CATSPER3: variants seen among roughly 807,000 people sequenced by gnomAD.
CATSPER3 encodes the protein cation channel sperm associated 3.
In CATSPER3, 23 loss-of-function variants were observed where a neutral mutation model predicts 36.6. The observed-to-expected ratio is 0.63, with a 90% CI of 0.45 to 0.89. The LOEUF (loss-of-function observed/expected upper bound fraction) is 0.89. Ranked by LOEUF, CATSPER3 falls within the 40% of genes least tolerant of loss-of-function variation. The probability of loss-of-function intolerance (pLI) is 0.00; values close to 1 mark genes in which losing one functional copy is unlikely to be tolerated. For synonymous variants in CATSPER3, 172 were observed against 184.1 expected (o/e 0.93, Z 0.53); for missense variants, 474 against 503.9 (o/e 0.94, Z 0.57).
chr5:135,003,599 A>G (rs1368713470), intron 3 of CATSPER3, among the ~76,000 whole-genome samples: 1 of 152,148 alleles, frequency 6.6e-6, no homozygotes, highest in Admixed American at 6.5e-5. Context: ...TGTGGGCTCC[A>G]CTCAGTTTGA....
At chr5:134,972,095 T>G (rs896944022) in intron 2 of CATSPER3, among the ~76,000 whole-genome samples, 2 of 152,186 alleles carry the variant, frequency 1.3e-5, no homozygotes, top group Non-Finnish European at 2.9e-5. Context: ...AATAATCCCC[T>G]TATACAGGCT....
chr5:134,968,297 A>G, intron 1 of CATSPER3: 1 of 562,486 alleles, frequency 1.8e-6, no homozygotes, highest in Non-Finnish European at 3.2e-6. Flanking sequence ...GACCAGTTTG[A>G]CCAGTTTGAC....
At chr5:134,999,977 G>A (rs1018062827) in intron 3 of CATSPER3, among the ~76,000 whole-genome samples, 1 of 152,174 alleles carries the variant, frequency 6.6e-6, no homozygotes, top group East Asian at 1.9e-4. Context: ...GGGCATCCCT[G>A]TCTTGTGCCA....
chr5:135,010,628 G>A, intron 7 of CATSPER3, 98 bp downstream of exon 7: 1 of 1,058,584 alleles, frequency 9.4e-7, no homozygotes, highest in Non-Finnish European at 1.5e-6. Flanking sequence ...TGACTGAAGT[G>A]CTGATGGGCA....
chr5:134,996,083 T>C lies in CATSPER3; in HGVS notation c.253-190T>C, dbSNP rs113892581. Among the ~76,000 whole-genome samples, 1,124 of 152,062 alleles carry C rather than the reference T, an allele frequency of 7.4e-3. 22 individuals are homozygous for C. The highest frequency in any genetic ancestry group is 0.026 in the African/African-American group (1,072 of 41,460). The stretch of plus-strand genomic sequence containing the variant: ...CAGCCCCAGGTGTAGGGCCACGGGG[T>C]AGGGAGGACAGAGAAGGGGAAGGGA... On this transcript the variant is annotated intron_variant, in intron 2 of 7. Transcript: ENST00000282611.
At chr5:134,999,547 A>C (rs1180643910) in intron 3 of CATSPER3, among the ~76,000 whole-genome samples, 2 of 152,200 alleles carry the variant, frequency 1.3e-5, no homozygotes, top group Admixed American at 1.3e-4. Context: ...ATGAGCATGG[A>C]ACATTCTTCC....
intron 2 of CATSPER3, among the ~76,000 whole-genome samples, chr5:134,981,248 T>C (rs1751747875): frequency 4.6e-5 from 7 of 152,122 alleles, no homozygotes; most frequent in Admixed American, 4.6e-4. Context: ...CACAGCACTT[T>C]GGGAGGCCCA....
intron 3 of CATSPER3, among the ~76,000 whole-genome samples, chr5:134,997,641 G>A (rs1040244898): frequency 5.9e-5 from 9 of 152,068 alleles, no homozygotes; most frequent in Admixed American, 3.3e-4. Context: ...GACTTCTCAG[G>A]AGCGTTTATC....
rs139264127 is a variant in CATSPER3 at position 134,970,033 on chromosome 5, T to G, written c.193T>G (p.Phe65Val). Residue 65 changes from phenylalanine (F) to valine (V), a missense_variant, in exon 2 of 8, where the codon TTT (phenylalanine) becomes GTT (valine). Transcript: ENST00000282611. ...GATTAGCACTGTCACATCGAATGCG[T>G]TTTTTATGGCCTTGTGGACCAGTTA... ...IMISTVTSNA[F>V]FMALWTSYDI... 2 of 1,614,020 alleles carry G rather than the reference T, an allele frequency of 1.2e-6. No homozygotes were observed. The highest frequency in any genetic ancestry group is 4.5e-5 in the East Asian group (2 of 44,872).
At chr5:135,009,012 A>C (rs200736427) in intron 5 of CATSPER3, 31 bp downstream of exon 5, 22 of 1,613,812 alleles carry the variant, frequency 1.4e-5, no homozygotes, top group Non-Finnish European at 1.7e-5. Context: ...ATCGGAGGTC[A>C]GGGCAGGTGT....
chr5:134,976,659 C>T (rs1424590919), intron 2 of CATSPER3, among the ~76,000 whole-genome samples: 1 of 152,254 alleles, frequency 6.6e-6, no homozygotes, highest in Non-Finnish European at 1.5e-5. Context: ...GCTCTAGCCC[C>T]AAATTTCCTC....
chr5:134,976,643 G>T (rs371795528), intron 2 of CATSPER3, among the ~76,000 whole-genome samples: 1 of 152,252 alleles, frequency 6.6e-6, no homozygotes, highest in African/African-American at 2.4e-5. Context: ...TGGAGACTGT[G>T]TGGGGGCTCT....
At chr5:134,976,063 A>G (rs1256087121) in intron 2 of CATSPER3, among the ~76,000 whole-genome samples, 1 of 152,222 alleles carries the variant, frequency 6.6e-6, no homozygotes, top group Non-Finnish European at 1.5e-5. Flanking sequence ...TGTGGAATCT[A>G]AAAAAGTTGA....
At chr5:134,996,735 C>A (rs1439041806) in intron 3 of CATSPER3, among the ~76,000 whole-genome samples, 2 of 152,232 alleles carry the variant, frequency 1.3e-5, no homozygotes, top group African/African-American at 4.8e-5. Flanking sequence ...AGCCCAAGGT[C>A]ACCCAGCGGT....
At chr5:134,976,349 C>T (rs1329875637) in intron 2 of CATSPER3, among the ~76,000 whole-genome samples, 1 of 148,340 alleles carries the variant, frequency 6.7e-6, no homozygotes, top group Non-Finnish European at 1.5e-5. Flanking sequence ...CCCCACCCCA[C>T]CCCACCCCCA....
chr5:135,006,159 C>T (rs747914317), intron 3 of CATSPER3, among the ~76,000 whole-genome samples: 3 of 152,204 alleles, frequency 2.0e-5, no homozygotes, highest in Non-Finnish European at 2.9e-5. Flanking sequence ...ACTGGATTTC[C>T]GCACCTTTCT....
intron 1 of CATSPER3, chr5:134,968,809 A>G (rs1274775628): frequency 6.6e-6 from 1 of 152,196 alleles, no homozygotes; most frequent in African/African-American, 2.4e-5. Flanking sequence ...GTACTCTGAG[A>G]AAAATTGCAA....
chr5:134,997,326 C>T (rs374684465), intron 3 of CATSPER3, among the ~76,000 whole-genome samples: 2 of 152,356 alleles, frequency 1.3e-5, no homozygotes. Context: ...AGAGGTCTCC[C>T]CTGCTGCATA....
chr5:135,002,129 C>T (rs1321995066), intron 3 of CATSPER3, among the ~76,000 whole-genome samples: 5 of 152,316 alleles, frequency 3.3e-5, no homozygotes, highest in African/African-American at 1.2e-4. Flanking sequence ...TTTAGTGCTT[C>T]CTTCAGGAGC....
Sources: allele counts gnomAD v4.1 joint callset (sites outside exome capture counted in the v4.1 genomes callset), GRCh38; gene constraint gnomAD v4.1.1; transcripts MANE v1.5; gene names NCBI Gene and HGNC (gene_info 2026-07-23, HGNC 2026-07-21).